Variants in MYH3 observed in about 807,000 individuals in gnomAD.
MYH3 encodes myosin heavy chain 3.
A neutral mutation model predicts 238.0 loss-of-function variants in MYH3; 130 were observed. That is an observed-to-expected ratio of 0.55 (90% CI 0.47 to 0.63). The LOEUF is 0.63. Ranked by LOEUF, MYH3 falls within the 30% of genes least tolerant of loss-of-function variation. The pLI, the probability that MYH3 is intolerant of heterozygous loss-of-function variation, is 0.00. For synonymous variants in MYH3, 880 were observed against 924.1 expected, an observed-to-expected ratio of 0.95 and a Z score of 0.86; for missense variants, 1,853 against 2,374.9, an observed-to-expected ratio of 0.78 and a Z score of 4.57.
At chr17:10,643,678 C>T (rs1374086039) in intron 14 of MYH3, among the ~76,000 whole-genome samples, 1 of 152,172 alleles carries the variant, frequency 6.6e-6, no homozygotes, top group Non-Finnish European at 1.5e-5. Context: ...CCAGCCGCGG[C>T]TATGCACGGT....
the MYH3 span, among the ~76,000 whole-genome samples, chr17:10,664,017 C>T: frequency 2.2e-5 from 3 of 136,026 alleles, no homozygotes; most frequent in South Asian, 2.4e-4. Context: ...GAGCCAAGAT[C>T]GTGCCATTGC....
At position 10,646,003 on chromosome 17, in the gene MYH3, C is replaced by G. The variant is rs1296561490; in HGVS notation, c.928G>C (p.Asp310His). The change falls in exon 11 of 41, where the codon GAC (aspartate) becomes CAC (histidine). Residue 310 changes from aspartate (D) to histidine (H), a missense_variant. This residue lies in a region of MYH3 where 678 missense variants were observed against 1,058.9 expected (regional missense o/e 0.64). Transcript: ENST00000583535. ...TCCCCCTGGCTAATGAACGGGTAGT[C>G]GTAAGGGTTGGTCGTAATAAGCAGC... Reference protein sequence around the residue: ...ELLLITTNPYDYPFISQGEIL... With the variant: ...ELLLITTNPYHYPFISQGEIL... 6.2e-7 allele frequency: 1 copy of G among 1,613,880 alleles called. No individual in the cohort carries two copies. The highest frequency in any genetic ancestry group is 2.2e-5 in the East Asian group (1 of 44,836).
the MYH3 span, chr17:10,675,005 C>T: frequency 0.038 from 5,824 of 152,394 alleles, 374 homozygotes; most frequent in African/African-American, 0.13. Flanking sequence ...GCCCACTCTC[C>T]CCTTCAGTTT....
chr17:10,666,193 C>T, the MYH3 span, among the ~76,000 whole-genome samples: 1 of 152,118 alleles, frequency 6.6e-6, no homozygotes, highest in Non-Finnish European at 1.5e-5. Context: ...GGGGAAGGCC[C>T]ACCATGACTC....
upstream of MYH3, among the ~76,000 whole-genome samples, chr17:10,657,755 G>C (rs563539091): frequency 2.0e-5 from 3 of 152,092 alleles, no homozygotes. Flanking sequence ...AATCCTTTTT[G>C]AATTTTGAGC....
the MYH3 span, among the ~76,000 whole-genome samples, chr17:10,669,982 A>G: frequency 6.6e-6 from 1 of 152,190 alleles, no homozygotes; most frequent in Non-Finnish European, 1.5e-5. Context: ...GATTTAAGGC[A>G]CAAGAGAGAT....
chr17:10,668,076 T>G, the MYH3 span, among the ~76,000 whole-genome samples: 1 of 152,180 alleles, frequency 6.6e-6, no homozygotes, highest in Non-Finnish European at 1.5e-5. Flanking sequence ...TGTACATTCT[T>G]AGTGAGATAT....
chr17:10,630,508 T>C (rs2074145457), intron 36 of MYH3, 50 bp from the exon 37 acceptor site: 4 of 1,612,558 alleles, frequency 2.5e-6, no homozygotes, highest in Non-Finnish European at 2.5e-6. Context: ...TCCAGTGCCT[T>C]GGAACTGTCA....
At position 10,640,623 on chromosome 17, in the gene MYH3, A is replaced by C; in HGVS notation, c.2229T>G (p.Cys743Trp). 1.2e-6 allele frequency: 2 copies of C among 1,614,242 alleles called. No individual in the cohort carries two copies. The highest frequency in any genetic ancestry group is 1.7e-6 in the Non-Finnish European group (2 of 1,180,036). The part of the protein sequence containing the change: ...EGQFIDSKKA[C>W]EKLLASIDID... Reference sequence around the variant, plus strand: ...TATCAATGGATGCCAGAAGCTTTTCACAGGCTTTCTTGCTGTCAATGAATT... The same window carrying C: ...TATCAATGGATGCCAGAAGCTTTTCCCAGGCTTTCTTGCTGTCAATGAATT... Residue 743 changes from cysteine to tryptophan, a missense_variant, in exon 20 of 41, where the codon TGT (cysteine) becomes TGG (tryptophan). Cys to Trp is a radical substitution (Grantham distance 215). Around this residue, in one of 3 missense-constraint regions of MYH3, gnomAD observed 678 missense variants for 1,058.9 expected, o/e 0.64. Transcript: ENST00000583535.
chr17:10,671,357 C>A, the MYH3 span, among the ~76,000 whole-genome samples: 1 of 152,120 alleles, frequency 6.6e-6, no homozygotes, highest in Non-Finnish European at 1.5e-5. Flanking sequence ...TGCTGTATAT[C>A]AACAAATTGC....
intron 20 of MYH3, 28 bp from the exon 21 acceptor site, chr17:10,640,497 C>T: frequency 6.2e-7 from 1 of 1,614,196 alleles, no homozygotes; most frequent in Middle Eastern, 1.7e-4. Context: ...TGACATGAGT[C>T]AGTTTCCTAG....
chr17:10,658,960 C>A (rs554801326), upstream of MYH3: 1 of 152,188 alleles, frequency 6.6e-6, no homozygotes, highest in East Asian at 1.9e-4. Flanking sequence ...AGGGGAGCAG[C>A]GGTGTTAACA....
intron 9 of MYH3, 34 bp downstream of exon 9, chr17:10,647,329 T>C: frequency 6.2e-7 from 1 of 1,613,892 alleles, no homozygotes; most frequent in East Asian, 2.2e-5. Context: ...CAGTTAACTC[T>C]GAGACGCCAT....
rs1257497290 is a variant in MYH3 at position 10,634,930 on chromosome 17, C to A, written c.4266G>T (p.Leu1422=). 5 of 1,614,158 alleles carry A rather than the reference C, an allele frequency of 3.1e-6. No homozygotes were observed. The highest frequency in any genetic ancestry group is 1.7e-5 in the Admixed American group (1 of 60,018). ...CCATCAGATCCTCCACCTCTCCTTG[C>A]AGCCTCTGCTTGGTCTTCTCCAGTG... ...CASLEKTKQR[L]QGEVEDLMVD... is the part of the protein sequence containing the mutation. The change falls in exon 31 of 41, where the codon CTG becomes CTT. Residue 1422 remains leucine, a synonymous_variant. Coordinates refer to ENST00000583535, the MANE Select transcript of MYH3 (RefSeq NM_002470.4).
At chr17:10,649,759 T>C in intron 6 of MYH3, 74 bp from the exon 7 acceptor site, 1 of 1,361,422 alleles carries the variant, frequency 7.3e-7, no homozygotes, top group South Asian at 1.2e-5. Context: ...GATGTCATAC[T>C]GAGGCCTGGG....
intron 6 of MYH3, among the ~76,000 whole-genome samples, 199 bp downstream of exon 6, chr17:10,650,175 C>T (rs1012008130): frequency 6.6e-6 from 1 of 151,980 alleles, no homozygotes; most frequent in African/African-American, 2.4e-5. Flanking sequence ...CAGGGTTTCA[C>T]CGTGTTAGCC....
chr17:10,647,573 T>C, intron 8 of MYH3, 147 bp from the exon 9 acceptor site: 1 of 863,916 alleles, frequency 1.2e-6, no homozygotes, highest in Non-Finnish European at 1.8e-6. Flanking sequence ...TGAGACGGAG[T>C]CTCGCTCTGT....
chr17:10,651,476 G>A, intron 5 of MYH3, 36 bp downstream of exon 5: 2 of 1,612,208 alleles, frequency 1.2e-6, no homozygotes, highest in Non-Finnish European at 1.7e-6. Flanking sequence ...TGCAGTGCCT[G>A]CTCCAGCATC....
chr17:10,649,438 G>A, intron 7 of MYH3, 139 bp downstream of exon 7: 2 of 754,200 alleles, frequency 2.7e-6, no homozygotes, highest in Non-Finnish European at 4.7e-6. Flanking sequence ...GTGACTGGCT[G>A]TCCTTCAAGA....
Sources: gnomAD v4.1 joint callset for allele counts (sites outside exome capture counted in the v4.1 genomes callset) on GRCh38, gnomAD v4.1.1 for gene constraint, gnomAD v4.1.1 regional missense constraint, MANE v1.5 for transcripts, NCBI Gene and HGNC (gene_info 2026-07-23, HGNC 2026-07-21) for gene names.